The following CEP350 variants were observed in gnomAD, a reference collection of about 807,000 sequenced individuals.
The protein encoded by CEP350 is centrosome-associated protein 350.
CEP350 carries 126 observed loss-of-function variants against 331.8 expected under a neutral mutation model. That is an observed-to-expected ratio of 0.38 (90% CI 0.33 to 0.44). CEP350 has a LOEUF of 0.44. Ranked by LOEUF, CEP350 falls within the 20% of genes least tolerant of loss-of-function variation. The probability of loss-of-function intolerance (pLI) is 1.00; values close to 1 mark genes in which losing one functional copy is unlikely to be tolerated. For missense variants in CEP350, 3,406 were observed against 3,634.6 expected, an observed-to-expected ratio of 0.94 and a Z score of 1.62; for synonymous variants, 1,200 against 1,259.5, an observed-to-expected ratio of 0.95 and a Z score of 1.00.
chr1:180,056,102 G>A (rs907756774), intron 25 of CEP350, among the ~76,000 whole-genome samples: 11 of 151,880 alleles, frequency 7.2e-5, no homozygotes, highest in Non-Finnish European at 1.0e-4. Flanking sequence ...TTTATTGCAT[G>A]CCTGCTAATA....
intron 1 of CEP350, among the ~76,000 whole-genome samples, chr1:179,979,459 G>T: frequency 6.7e-6 from 1 of 149,408 alleles, no homozygotes; most frequent in Non-Finnish European, 1.5e-5. Context: ...CCTGTCAGGT[G>T]AGTAGTTTGC....
At chr1:180,021,654 CA>C (rs1002555510) in intron 12 of CEP350, among the ~76,000 whole-genome samples, 39 of 128,660 alleles carry the variant, frequency 3.0e-4, no homozygotes, top group African/African-American at 9.7e-4. Context: ...CGAGACTCCT[CA>C]AAAAAAAAAG....
At chr1:180,062,414 C>T (rs776397623) in intron 26 of CEP350, 48 bp downstream of exon 26, 16 of 1,517,872 alleles carry the variant, frequency 1.1e-5, no homozygotes, top group African/African-American at 8.3e-5. Context: ...TTTTGATTGT[C>T]GGTATCTAAC....
chr1:180,000,844 A>G (rs1653818019), intron 6 of CEP350: 1 of 152,238 alleles, frequency 6.6e-6, no homozygotes, highest in South Asian at 2.1e-4. Context: ...AGGCAGAATC[A>G]CCACACTTTT....
intron 11 of CEP350, among the ~76,000 whole-genome samples, chr1:180,016,953 G>A (rs1004946187): frequency 2.6e-5 from 4 of 151,976 alleles, no homozygotes; most frequent in South Asian, 2.1e-4. Context: ...ATGAGCCACC[G>A]AGCCTGGCCC....
chr1:180,098,307 G>A (rs1176596410), intron 36 of CEP350, among the ~76,000 whole-genome samples: 1 of 147,452 alleles, frequency 6.8e-6, no homozygotes, highest in East Asian at 2.0e-4. Context: ...ATTTTTCTTT[G>A]CAGATTAATC....
At chr1:179,955,751 C>T (rs765223999) in intron 1 of CEP350, among the ~76,000 whole-genome samples, 1 of 152,102 alleles carries the variant, frequency 6.6e-6, no homozygotes, top group Non-Finnish European at 1.5e-5. Flanking sequence ...TTGGAATTTG[C>T]CTGGATTTTA....
intron 32 of CEP350, among the ~76,000 whole-genome samples, chr1:180,090,222 G>A (rs1029601241): frequency 6.6e-6 from 1 of 152,136 alleles, no homozygotes; most frequent in Non-Finnish European, 1.5e-5. Flanking sequence ...CAAAGGCAAG[G>A]TCATCTAGTG....
In CEP350 at chr1:180,033,696, TAGTC is replaced by T. The variant is rs932357634; in HGVS notation, c.3726-164_3726-161del. Among the ~76,000 whole-genome samples the T allele has an allele frequency of 9.9e-5, 15 of 152,224 alleles. No individual in the cohort carries two copies. In the East Asian group the frequency reaches 1.2e-3, roughly 12 times the overall value. ...ATTCTAGCAATTAGAGGAATATTCA[TAGTC>T]ATTCATTCAGCATAGTGATTATATT... On this transcript the variant is annotated intron_variant, in intron 15 of 37. Coordinates refer to ENST00000367607, the MANE Select transcript of CEP350 (RefSeq NM_014810.5).
At chr1:180,034,556 C>G (rs569828082) in intron 16 of CEP350, among the ~76,000 whole-genome samples, 1 of 151,578 alleles carries the variant, frequency 6.6e-6, no homozygotes, top group South Asian at 2.1e-4. Context: ...CATGTGCTCA[C>G]TTCATGTCCC....
intron 27 of CEP350, among the ~76,000 whole-genome samples, chr1:180,072,626 A>G (rs1229526521): frequency 6.6e-6 from 1 of 152,192 alleles, no homozygotes; most frequent in African/African-American, 2.4e-5. Flanking sequence ...AAGGCAATCC[A>G]GATATGAATA....
chr1:180,054,535 T>G, intron 25 of CEP350, 33 bp downstream of exon 25: 1 of 1,468,598 alleles, frequency 6.8e-7, no homozygotes, highest in Non-Finnish European at 9.4e-7. Flanking sequence ...TTAGGACAGC[T>G]TATAAGGCAA....
At chr1:180,075,266 A>G in intron 28 of CEP350, 45 bp downstream of exon 28, 5 of 1,506,804 alleles carry the variant, frequency 3.3e-6, no homozygotes, top group African/African-American at 1.4e-5. Flanking sequence ...AAAGCCTAAC[A>G]TAATTGAAAG....
chr1:180,095,386 A>C (rs1558157259), intron 34 of CEP350, 137 bp from the exon 35 acceptor site: 1 of 981,144 alleles, frequency 1.0e-6, no homozygotes, highest in Non-Finnish European at 1.4e-6. Context: ...ATTAGTAGCC[A>C]CCATATTGTT....
intron 23 of CEP350, 31 bp downstream of exon 23, chr1:180,053,197 G>C (rs758460208): frequency 7.7e-7 from 1 of 1,290,980 alleles, no homozygotes; most frequent in African/African-American, 1.5e-5. Context: ...GGAGGTAAAT[G>C]GTTGTGGATA....
rs935455331 is a variant in CEP350 at position 180,022,010 on chromosome 1, G to A, written c.3236-688G>A. Among the ~76,000 whole-genome samples, 36 of 151,980 alleles carry A rather than the reference G, an allele frequency of 2.4e-4. 1 individual carries two copies. Among genetic ancestry groups the A allele is most frequent in the South Asian group, 2.1e-3 (10 of 4,812 alleles). On this transcript the variant is annotated intron_variant, in intron 12 of 37. Coordinates refer to ENST00000367607, the MANE Select transcript of CEP350 (RefSeq NM_014810.5). Reference sequence around the variant, plus strand: ...ATACTAACATTATCTTAGAATTTCCGGATTGGAAATTTCCCCTCTATATAG... The same window carrying A: ...ATACTAACATTATCTTAGAATTTCCAGATTGGAAATTTCCCCTCTATATAG...
chr1:180,089,414 C>A (rs12125556), intron 32 of CEP350, among the ~76,000 whole-genome samples: 19 of 151,876 alleles, frequency 1.3e-4, no homozygotes, highest in Admixed American at 1.2e-3. Context: ...GAAACCCCAT[C>A]TCTACTAAAA....
intron 10 of CEP350, 91 bp from the exon 11 acceptor site, chr1:180,015,758 A>C: frequency 3.4e-5 from 47 of 1,388,820 alleles, no homozygotes; most frequent in Non-Finnish European, 4.3e-5. Flanking sequence ...TGATCTTTGT[A>C]GAGCTGAGGT....
intron 5 of CEP350, among the ~76,000 whole-genome samples, chr1:179,992,871 G>A (rs1653194235): frequency 1.3e-5 from 2 of 152,126 alleles, no homozygotes; most frequent in African/African-American, 2.4e-5. Context: ...CTTATAATAA[G>A]TAATAAACAC....
Sources: gnomAD v4.1 joint callset for allele counts (sites outside exome capture counted in the v4.1 genomes callset) on GRCh38, gnomAD v4.1.1 for gene constraint, MANE v1.5 for transcripts, NCBI Gene and HGNC (gene_info 2026-07-23, HGNC 2026-07-21) for gene names.